Variants in SRGAP2C observed in about 807,000 individuals in gnomAD.
SRGAP2C encodes the protein SLIT-ROBO Rho GTPase activating protein 2C.
Under a neutral mutation model 25.1 loss-of-function variants are expected in SRGAP2C, and 15 were observed. The ratio of observed to expected loss-of-function variants is 0.60; its 90% CI spans 0.40 to 0.92. SRGAP2C has a LOEUF of 0.92. SRGAP2C is among the 40% of genes least tolerant of loss of function. SRGAP2C has a pLI of 0.00. For missense variants in SRGAP2C, 144 were observed against 264.4 expected (o/e 0.54, Z 3.16); for synonymous variants, 44 against 96.6 (o/e 0.46, Z 3.19).
chr1:121,272,409 C>A (rs1309265163), intron 2 of SRGAP2C, among the ~76,000 whole-genome samples: 1 of 151,864 alleles, frequency 6.6e-6, no homozygotes, highest in Non-Finnish European at 1.5e-5. Flanking sequence ...CAGGGTCAGA[C>A]TTTTCTCTGC....
At chr1:121,202,075 C>A (rs587603209) in intron 2 of SRGAP2C, among the ~76,000 whole-genome samples, 24 of 152,330 alleles carry the variant, frequency 1.6e-4, no homozygotes, top group African/African-American at 5.8e-4. Flanking sequence ...GAATAGTATA[C>A]CGCAGCCCAC....
At chr1:121,359,729 C>T (rs1659144597) in intron 4 of SRGAP2C, among the ~76,000 whole-genome samples, 1 of 152,130 alleles carries the variant, frequency 6.6e-6, no homozygotes, top group African/African-American at 2.4e-5. Flanking sequence ...GAGCTATGGT[C>T]AGGCCACTGC....
chr1:121,188,252 C>T (rs1388337672), intron 2 of SRGAP2C, among the ~76,000 whole-genome samples: 1 of 152,206 alleles, frequency 6.6e-6, no homozygotes, highest in African/African-American at 2.4e-5. Flanking sequence ...CTCCGGAAGA[C>T]ATGCTTTTAA....
At chr1:121,275,741 T>TA (rs1657093786) in intron 2 of SRGAP2C, among the ~76,000 whole-genome samples, 2 of 147,316 alleles carry the variant, frequency 1.4e-5, no homozygotes, top group South Asian at 4.3e-4. Flanking sequence ...TTTGGAAACT[T>TA]GTAGGGCCAT....
At chr1:121,275,610 G>T (rs1657089073) in intron 2 of SRGAP2C, among the ~76,000 whole-genome samples, 2 of 148,670 alleles carry the variant, frequency 1.3e-5, no homozygotes, top group Admixed American at 1.3e-4. Flanking sequence ...TCACTTGAAA[G>T]AACTAAGGCA....
chr1:121,389,115 C>A lies in SRGAP2C; in HGVS notation c.*1260C>A, dbSNP rs1246753685. ...GGACACTGCTGTACATATTGTTTTACAATCTAAGTCATATAATTATAATAT... is the reference window on the plus strand; with the variant it reads ...GGACACTGCTGTACATATTGTTTTAAAATCTAAGTCATATAATTATAATAT... On this transcript the variant is annotated 3_prime_UTR_variant, in exon 10 of 10. Coordinates refer to ENST00000367123, the MANE Select transcript of SRGAP2C (RefSeq NM_001329984.2). The A allele has an allele frequency of 6.6e-6, 1 of 151,972 alleles. No individual in the cohort carries two copies. The highest frequency in any genetic ancestry group is 6.6e-5 in the Admixed American group (1 of 15,238). 9.4% of individuals were successfully genotyped at this position (151,972 alleles called of 1,614,324 possible). A position where few individuals can be genotyped will look rare whatever the true frequency, so the allele number is the denominator to read the frequency against.
chr1:121,254,785 CA>C (rs1366092468), intron 2 of SRGAP2C, among the ~76,000 whole-genome samples: 1 of 150,984 alleles, frequency 6.6e-6, no homozygotes, highest in African/African-American at 2.4e-5. Context: ...CATCTCCCAA[CA>C]AGAGTGGTTG....
intron 7 of SRGAP2C, among the ~76,000 whole-genome samples, chr1:121,377,976 A>G (rs1659711469): frequency 6.6e-6 from 1 of 152,186 alleles, no homozygotes; most frequent in African/African-American, 2.4e-5. Flanking sequence ...TGTGTTTCTT[A>G]TTGTGAGTTG....
chr1:121,305,249 G>A (rs1159070341), intron 3 of SRGAP2C, among the ~76,000 whole-genome samples: 1 of 151,356 alleles, frequency 6.6e-6, no homozygotes, highest in Non-Finnish European at 1.5e-5. Flanking sequence ...GGCCATGATT[G>A]TCTGTACTGT....
chr1:121,260,376 A>G lies in SRGAP2C; in HGVS notation c.68-24427A>G, dbSNP rs1434280246. ...TGCTTGGTGTATTTGAGGAATGGCA[A>G]GAAGGCCACTGTGGCTGAAGCAGAG... On this transcript the variant is annotated intron_variant, in intron 2 of 9. Transcript: ENST00000367123. 4.6e-5 allele frequency among the ~76,000 whole-genome samples: 7 copies of G among 151,958 alleles called. 2 individuals are homozygous for G. The highest frequency in any genetic ancestry group is 1.0e-4 in the Non-Finnish European group (7 of 67,920).
intron 4 of SRGAP2C, among the ~76,000 whole-genome samples, 199 bp downstream of exon 4, chr1:121,324,839 AAAAG>A (rs1349988932): frequency 6.6e-6 from 1 of 151,212 alleles, no homozygotes; most frequent in Non-Finnish European, 1.5e-5. Context: ...AAGAAAAAAT[AAAAG>A]AAAGAATATC....
chr1:121,325,216 AGTGTG>A (rs1482913552), intron 4 of SRGAP2C, among the ~76,000 whole-genome samples: 3 of 151,300 alleles, frequency 2.0e-5, no homozygotes, highest in African/African-American at 7.3e-5. Context: ...TAGACTCAAA[AGTGTG>A]GTTATTCTTA....
Position 121,392,401 on chromosome 1 carries a change from A to C in SRGAP2C, c.*4546A>C, listed in dbSNP as rs1553358334. 1 of 144,898 alleles carries C rather than the reference A, an allele frequency of 6.9e-6. No homozygotes were observed. The highest frequency in any genetic ancestry group is 6.9e-5 in the Admixed American group (1 of 14,518). The allele number at this position is 144,898 out of a possible 1,614,324, so 9.0% of individuals were successfully genotyped here. ...CCCTTTCTCTTTTTTCTTTTCTTTC[A>C]ATTTTCTCAATTACTAAGAGATGTT... On this transcript the variant is annotated 3_prime_UTR_variant, in exon 10 of 10. Transcript: ENST00000367123.
At chr1:121,370,423 A>G (rs1458640297) in intron 5 of SRGAP2C, among the ~76,000 whole-genome samples, 1 of 134,344 alleles carries the variant, frequency 7.4e-6, no homozygotes, top group Non-Finnish European at 1.6e-5. Context: ...TTGGGGCCTC[A>G]CTGTTCTCAG....
chr1:121,282,756 C>T (rs1657278057), intron 2 of SRGAP2C, among the ~76,000 whole-genome samples: 1 of 144,690 alleles, frequency 6.9e-6, no homozygotes, highest in African/African-American at 2.5e-5. Context: ...GACAGGGTTT[C>T]ACCATGTTAG....
intron 4 of SRGAP2C, among the ~76,000 whole-genome samples, chr1:121,350,660 G>A (rs1469787645): frequency 1.3e-5 from 2 of 152,086 alleles, no homozygotes; most frequent in Non-Finnish European, 2.9e-5. Flanking sequence ...GAAAATATAG[G>A]TGTAAGTCTT....
At chr1:121,335,386 A>ATAATTAAT (rs1252416693) in intron 4 of SRGAP2C, among the ~76,000 whole-genome samples, 3 of 141,744 alleles carry the variant, frequency 2.1e-5, no homozygotes, top group Non-Finnish European at 3.0e-5. Flanking sequence ...AAATAAATAA[A>ATAATTAAT]TAAAACAACC....
chr1:121,359,620 T>C (rs1659140675), intron 4 of SRGAP2C, among the ~76,000 whole-genome samples: 1 of 152,110 alleles, frequency 6.6e-6, no homozygotes, highest in South Asian at 2.1e-4. Flanking sequence ...ATTACAAAAA[T>C]TAACCAGCGT....
intron 3 of SRGAP2C, among the ~76,000 whole-genome samples, chr1:121,313,542 A>G (rs1658011799): frequency 7.3e-6 from 1 of 136,242 alleles, no homozygotes; most frequent in African/African-American, 2.9e-5. Flanking sequence ...ACATTTTGGC[A>G]TGATTTTGCA....
Sources: gnomAD v4.1 joint callset for allele counts (sites outside exome capture counted in the v4.1 genomes callset) on GRCh38, gnomAD v4.1.1 for gene constraint, MANE v1.5 for transcripts, NCBI Gene and HGNC (gene_info 2026-07-23, HGNC 2026-07-21) for gene names.